The following AP4S1 variants were observed in gnomAD, a reference collection of about 807,000 sequenced individuals.
The protein encoded by AP4S1 is adaptor related protein complex 4 subunit sigma 1, also known as AP-4 complex subunit sigma-1.
In AP4S1, 23 loss-of-function variants were observed where a neutral mutation model predicts 19.8. That is an observed-to-expected ratio of 1.16 (90% CI 0.84 to 1.65). The LOEUF (loss-of-function observed/expected upper bound fraction) is 1.65. Among genes scored for constraint, AP4S1 ranks in the 40% most tolerant of loss-of-function variants. The pLI is 0.00. For synonymous variants in AP4S1, 46 were observed against 54.1 expected, an observed-to-expected ratio of 0.85 and a Z score of 0.66; for missense variants, 166 against 172.8, an observed-to-expected ratio of 0.96 and a Z score of 0.22.
chr14:31,058,464 G>C (rs1024431385), intron 1 of AP4S1, among the ~76,000 whole-genome samples: 1 of 151,372 alleles, frequency 6.6e-6, no homozygotes, highest in South Asian at 2.1e-4. Flanking sequence ...ACAAGCTTTT[G>C]CCTGTAGCAT....
intron 1 of AP4S1, chr14:31,026,087 C>T: frequency 6.5e-7 from 1 of 1,529,412 alleles, no homozygotes; most frequent in Non-Finnish European, 8.8e-7. Context: ...CTCCGTTCCC[C>T]CCGGGCGAAA....
intron 3 of AP4S1, among the ~76,000 whole-genome samples, chr14:31,072,625 C>T (rs867573003): frequency 2.0e-5 from 3 of 152,180 alleles, no homozygotes; most frequent in Non-Finnish European, 4.4e-5. Flanking sequence ...CTCACCTTGG[C>T]CTCCCAAAGT....
At chr14:31,079,540 T>G (rs1887529068) in intron 4 of AP4S1, among the ~76,000 whole-genome samples, 1 of 152,062 alleles carries the variant, frequency 6.6e-6, no homozygotes, top group African/African-American at 2.4e-5. Context: ...TAATGTATTT[T>G]TTGGCCAGGT....
In AP4S1 at chr14:31,082,891, G is replaced by A. The variant is rs939144478; in HGVS notation, c.306+2307G>A. Among the ~76,000 whole-genome samples the A allele has an allele frequency of 4.2e-5, 6 of 142,996 alleles. No homozygotes were observed. The East Asian group carries it at 8.0e-4, about 19-fold the overall frequency. 93.8% of individuals were successfully genotyped at this position (142,996 alleles called of 152,430 possible). On this transcript the variant is annotated intron_variant, in intron 5 of 5. Coordinates refer to ENST00000542754, the MANE Select transcript of AP4S1 (RefSeq NM_001128126.3). ...AGCCTGGGCGACAGAGCGAGACTCC[G>A]TCTCAAAAAAAAAAAAAAAGACTAG...
chr14:31,087,848 T>A (rs1490241658), intron 5 of AP4S1, among the ~76,000 whole-genome samples: 2 of 152,236 alleles, frequency 1.3e-5, no homozygotes, highest in African/African-American at 2.4e-5. Flanking sequence ...TATCTGTGAA[T>A]GTCTTGTTGA....
chr14:31,082,851 G>C (rs1044329406), intron 5 of AP4S1, among the ~76,000 whole-genome samples: 20 of 151,430 alleles, frequency 1.3e-4, no homozygotes, highest in East Asian at 7.8e-4. Flanking sequence ...AGCCGAGATT[G>C]CGCCACTGCA....
At chr14:31,083,416 A>AT (rs775587579) in intron 5 of AP4S1, 22 of 447,944 alleles carry the variant, frequency 4.9e-5, no homozygotes, top group South Asian at 3.5e-4. Context: ...TCCAGGTTTG[A>AT]TCTCACTTGT....
chr14:31,067,503 A>G (rs1162873244), intron 2 of AP4S1, among the ~76,000 whole-genome samples: 1 of 129,788 alleles, frequency 7.7e-6, no homozygotes, highest in African/African-American at 2.9e-5. Context: ...ATTCCCACCT[A>G]TGAGTGAGAA....
At chr14:31,083,496 CTTTTTTTTTTTTTTTTTTTTTTT>C (rs768336426) in intron 5 of AP4S1, 1 of 186,706 alleles carries the variant, frequency 5.4e-6, no homozygotes, top group African/African-American at 7.4e-5. Context: ...TGTTGACACT[CTTTTTTTTTTTTTTTTTTTTTTT>C]TTTGAGACAA....
At chr14:31,025,235 C>A (rs1883749544), upstream of AP4S1, 1 of 152,252 alleles carries the variant, frequency 6.6e-6, no homozygotes, top group African/African-American at 2.4e-5. Flanking sequence ...GTGCTGAAAG[C>A]GTTGATGAGT....
intron 1 of AP4S1, among the ~76,000 whole-genome samples, chr14:31,032,120 G>A (rs892077417): frequency 2.0e-5 from 3 of 151,200 alleles, no homozygotes; most frequent in Non-Finnish European, 4.4e-5. Flanking sequence ...GGTGGCTCAT[G>A]CCTATAATCC....
chr14:31,062,962 C>CT (rs1886519808), intron 1 of AP4S1, among the ~76,000 whole-genome samples: 2 of 148,520 alleles, frequency 1.3e-5, no homozygotes. Flanking sequence ...GCACGAGACT[C>CT]CGTTTCCAAA....
intron 1 of AP4S1, among the ~76,000 whole-genome samples, chr14:31,065,143 C>G (rs539691833): frequency 6.6e-6 from 1 of 152,090 alleles, no homozygotes; most frequent in African/African-American, 2.4e-5. Flanking sequence ...AAAATAAAGC[C>G]CAAATTCCTT....
chr14:31,051,574 T>C (rs1389507572), intron 1 of AP4S1, among the ~76,000 whole-genome samples: 2 of 152,234 alleles, frequency 1.3e-5, no homozygotes, highest in Non-Finnish European at 2.9e-5. Flanking sequence ...TTGTAATCCA[T>C]GTGAATGTAG....
At chr14:31,073,266 A>T (rs112222685) in intron 4 of AP4S1, 2 of 343,152 alleles carry the variant, frequency 5.8e-6, no homozygotes, top group Admixed American at 4.2e-5. Flanking sequence ...TAAGGTGGGC[A>T]GATCACAAGG....
intron 1 of AP4S1, among the ~76,000 whole-genome samples, chr14:31,056,315 T>C (rs1737202222): frequency 6.6e-6 from 1 of 152,102 alleles, no homozygotes; most frequent in Admixed American, 6.6e-5. Context: ...GCTAATACTA[T>C]GGATGCATGT....
intron 1 of AP4S1, among the ~76,000 whole-genome samples, chr14:31,037,464 T>C (rs564128129): frequency 4.6e-5 from 7 of 152,302 alleles, no homozygotes; most frequent in African/African-American, 1.7e-4. Context: ...TTTTTAAATT[T>C]TAAATTGCCT....
At chr14:31,072,368 C>T (rs540937628) in intron 3 of AP4S1, among the ~76,000 whole-genome samples, 35 of 151,936 alleles carry the variant, frequency 2.3e-4, no homozygotes, top group Non-Finnish European at 4.0e-4. Flanking sequence ...TGAGCCATCA[C>T]GCATGGCCTT....
chr14:31,052,671 TG>T (rs1265458826), intron 1 of AP4S1, among the ~76,000 whole-genome samples: 2 of 146,210 alleles, frequency 1.4e-5, no homozygotes, highest in Non-Finnish European at 1.5e-5. Flanking sequence ...GAGGTTACAC[TG>T]AGCCAAAATT....
Sources: gnomAD v4.1 joint callset for allele counts (sites outside exome capture counted in the v4.1 genomes callset) on GRCh38, gnomAD v4.1.1 for gene constraint, MANE v1.5 for transcripts, NCBI Gene and HGNC (gene_info 2026-07-23, HGNC 2026-07-21) for gene names.